The following NMNAT3 variants were observed in gnomAD, a reference collection of about 807,000 sequenced individuals.
The protein encoded by NMNAT3 is nicotinamide/nicotinic acid mononucleotide adenylyltransferase 3.
NMNAT3 carries 21 observed loss-of-function variants against 24.8 expected under a neutral mutation model. The ratio of observed to expected loss-of-function variants is 0.85; its 90% CI spans 0.60 to 1.22. The LOEUF is 1.22. Among genes scored for constraint, NMNAT3 ranks in the 50% most tolerant of loss-of-function variants. The pLI, the probability that NMNAT3 is intolerant of heterozygous loss-of-function variation, is 0.00. For missense variants in NMNAT3, 387 were observed against 436.6 expected (o/e 0.89, Z 1.01); for synonymous variants, 136 against 155.2 (o/e 0.88, Z 0.92).
chr3:139,580,602 C>T (rs960952095), intron 4 of NMNAT3, among the ~76,000 whole-genome samples: 9 of 152,036 alleles, frequency 5.9e-5, no homozygotes, highest in African/African-American at 9.7e-5. Flanking sequence ...CCTGGCAGCC[C>T]GAATTCAGGC....
At chr3:139,580,284 G>C (rs114197154) in intron 4 of NMNAT3, among the ~76,000 whole-genome samples, 2 of 149,980 alleles carry the variant, frequency 1.3e-5, no homozygotes, top group Non-Finnish European at 2.9e-5. Flanking sequence ...CACCATGCCC[G>C]ACCAATTTTT....
chr3:139,579,272 G>A (rs370592965), intron 4 of NMNAT3, among the ~76,000 whole-genome samples: 2 of 152,096 alleles, frequency 1.3e-5, no homozygotes, highest in African/African-American at 4.8e-5. Flanking sequence ...TCTACAACCC[G>A]GGTAGCACTG....
intron 1 of NMNAT3, among the ~76,000 whole-genome samples, chr3:139,646,284 C>T (rs1432872444): frequency 6.6e-6 from 1 of 152,192 alleles, no homozygotes; most frequent in African/African-American, 2.4e-5. Flanking sequence ...GTTTTTAAAC[C>T]ACCATCACTG....
chr3:139,578,974 C>G lies in NMNAT3; in HGVS notation c.473G>C (p.Arg158Pro). The change falls in exon 5 of 7, where the codon CGA becomes CCA. Residue 158 changes from arginine (R) to proline (P), a missense_variant. Arg to Pro is a moderately radical substitution (Grantham distance 103, BLOSUM62 -2). This residue lies in a region of NMNAT3 where 323 missense variants were observed against 345.2 expected (regional missense o/e 0.94). Transcript: ENST00000643695. ...CAGGGCCAGCCGGGCCATGGCCACT[C>G]GGTGATGAGAAGCTGCGAGGTCTTT... 2 of 1,614,162 alleles carry G rather than the reference C, an allele frequency of 1.2e-6. No homozygotes were observed. Among genetic ancestry groups the G allele is most frequent in the East Asian group, 2.2e-5 (1 of 44,876 alleles).
intron 3 of NMNAT3, among the ~76,000 whole-genome samples, chr3:139,591,600 C>T (rs2054183862): frequency 6.6e-6 from 1 of 152,208 alleles, no homozygotes; most frequent in Non-Finnish European, 1.5e-5. Context: ...CAGTGGTTCT[C>T]CCACCACGCA....
chr3:139,566,137 T>C (rs1362136827), intron 6 of NMNAT3: 2 of 152,296 alleles, frequency 1.3e-5, no homozygotes, highest in East Asian at 3.9e-4. Context: ...TTTTCATGTG[T>C]TTTTTGGCTG....
At chr3:139,637,489 G>A (rs1214476480) in intron 2 of NMNAT3, 1 of 152,230 alleles carries the variant, frequency 6.6e-6, no homozygotes, top group Admixed American at 6.5e-5. Context: ...AGAAATATCT[G>A]GCAAATAGCC....
chr3:139,645,380 T>G (rs1291853627), intron 1 of NMNAT3, among the ~76,000 whole-genome samples: 1 of 152,142 alleles, frequency 6.6e-6, no homozygotes, highest in African/African-American at 2.4e-5. Context: ...AATAATGCCT[T>G]AGACAAAACA....
At chr3:139,593,268 T>A (rs890887717) in intron 3 of NMNAT3, among the ~76,000 whole-genome samples, 1 of 152,174 alleles carries the variant, frequency 6.6e-6, no homozygotes, top group African/African-American at 2.4e-5. Context: ...GAGCTAACTA[T>A]CCTAAATATG....
chr3:139,588,070 C>G (rs1231326651), intron 3 of NMNAT3, among the ~76,000 whole-genome samples: 1 of 152,082 alleles, frequency 6.6e-6, no homozygotes, highest in Non-Finnish European at 1.5e-5. Flanking sequence ...ATCTAAAACT[C>G]CTTCTTGCCC....
chr3:139,669,246 G>A (rs1239817969), intron 1 of NMNAT3, among the ~76,000 whole-genome samples: 2 of 152,066 alleles, frequency 1.3e-5, no homozygotes, highest in African/African-American at 4.8e-5. Flanking sequence ...GCCAAGGCAG[G>A]CAGATCACTT....
At chr3:139,586,364 G>A (rs898296606) in intron 3 of NMNAT3, among the ~76,000 whole-genome samples, 5 of 151,984 alleles carry the variant, frequency 3.3e-5, no homozygotes, top group Admixed American at 1.3e-4. Flanking sequence ...ATGTACCCTC[G>A]AACCCAAAAT....
chr3:139,591,628 G>C lies in NMNAT3; in HGVS notation c.110-8420C>G, dbSNP rs535048698. ...ACCACGCAGCTGGAGATCTGAGAAC[G>C]GGCAGACTGCCTCCTTAAGTGGGTC... On this transcript the variant is annotated intron_variant, in intron 3 of 6. Transcript: ENST00000643695. 5.3e-5 allele frequency among the ~76,000 whole-genome samples: 8 copies of C among 152,296 alleles called. 1 individual carries two copies. Among genetic ancestry groups the C allele is most frequent in the East Asian group, 3.9e-4 (2 of 5,172 alleles).
In NMNAT3 at chr3:139,561,107, T is replaced by C. The variant is rs769136134; in HGVS notation, c.944A>G (p.Asp315Gly). The change falls in exon 7 of 7, where the codon GAT becomes GGT. Residue 315 changes from aspartate to glycine, a missense_variant. By Grantham distance (94) the Asp-to-Gly change is moderately conservative. This residue lies in a region of NMNAT3 where 323 missense variants were observed against 345.2 expected (regional missense o/e 0.94). Coordinates refer to ENST00000643695, the MANE Select transcript of NMNAT3 (RefSeq NM_001320510.2). The stretch of plus-strand genomic sequence containing the variant: ...GTCCTTGATGTACGTGATGACAGCA[T>C]CGGGAATCAGGTACTTTACGCTCTG... 6.2e-7 allele frequency: 1 copy of C among 1,614,054 alleles called. No individual in the cohort carries two copies. Among genetic ancestry groups the C allele is most frequent in the Non-Finnish European group, 8.5e-7 (1 of 1,179,992 alleles).
At chr3:139,567,637 T>A (rs951537079) in intron 6 of NMNAT3, 6 of 152,160 alleles carry the variant, frequency 3.9e-5, no homozygotes, top group African/African-American at 1.4e-4. Flanking sequence ...ATATGCTGGA[T>A]TACATTTATT....
chr3:139,622,780 G>GATATATATATGATATATATGAT (rs2055850951), intron 3 of NMNAT3, among the ~76,000 whole-genome samples: 1 of 135,868 alleles, frequency 7.4e-6, no homozygotes, highest in Non-Finnish European at 1.5e-5. Context: ...TCATATATAT[G>GATATATATATGATATATATGAT]ATATATATAT....
intron 1 of NMNAT3, among the ~76,000 whole-genome samples, chr3:139,651,307 G>T (rs1379827392): frequency 6.6e-6 from 1 of 152,084 alleles, no homozygotes; most frequent in Non-Finnish European, 1.5e-5. Flanking sequence ...AGTTTCCCAA[G>T]TCTCCATTTT....
At chr3:139,604,369 T>A (rs1031310200) in intron 3 of NMNAT3, among the ~76,000 whole-genome samples, 16 of 152,260 alleles carry the variant, frequency 1.1e-4, no homozygotes, top group African/African-American at 3.9e-4. Flanking sequence ...TGAGCTATTT[T>A]AAAATTACAT....
At chr3:139,602,054 C>A (rs1024938712) in intron 3 of NMNAT3, among the ~76,000 whole-genome samples, 1 of 152,192 alleles carries the variant, frequency 6.6e-6, no homozygotes, top group Non-Finnish European at 1.5e-5. Flanking sequence ...TGGTAATTTA[C>A]ACTCAAGGAA....
Sources: allele counts gnomAD v4.1 joint callset (sites outside exome capture counted in the v4.1 genomes callset), GRCh38; gene constraint gnomAD v4.1.1; regional missense constraint gnomAD v4.1.1; transcripts MANE v1.5; gene names NCBI Gene and HGNC (gene_info 2026-07-23, HGNC 2026-07-21).